The following CPED1 variants were observed in gnomAD, a reference collection of about 807,000 sequenced individuals.
CPED1 encodes the protein cadherin-like and PC-esterase domain-containing protein 1.
A neutral mutation model predicts 128.2 loss-of-function variants in CPED1; 114 were observed. The ratio of observed to expected loss-of-function variants is 0.89; its 90% CI spans 0.76 to 1.04. The LOEUF is 1.04. Among genes scored for constraint, CPED1 ranks in the 50% least tolerant of loss-of-function variants. CPED1 has a pLI of 0.00. For missense variants in CPED1, 1,211 were observed against 1,207.1 expected, an observed-to-expected ratio of 1.00 and a Z score of -0.05; for synonymous variants, 462 against 426.7, an observed-to-expected ratio of 1.08 and a Z score of -1.02.
At chr7:121,000,932 A>G (rs1157617354) in intron 2 of CPED1, among the ~76,000 whole-genome samples, 2 of 152,152 alleles carry the variant, frequency 1.3e-5, no homozygotes, top group African/African-American at 4.8e-5. Flanking sequence ...CATATGTTTG[A>G]AAGCATCAAG....
At chr7:121,141,920 T>C in intron 15 of CPED1, 53 bp from the exon 16 acceptor site, 1 of 1,464,806 alleles carries the variant, frequency 6.8e-7, no homozygotes, top group Non-Finnish European at 9.5e-7. Flanking sequence ...CAGTTTGGGC[T>C]GAATAAATCT....
At chr7:121,205,836 T>C (rs1428806098) in intron 16 of CPED1, among the ~76,000 whole-genome samples, 2 of 152,002 alleles carry the variant, frequency 1.3e-5, no homozygotes, top group Non-Finnish European at 2.9e-5. Context: ...AAAACATGGA[T>C]TGGAAGCAAG....
chr7:121,207,937 A>G (rs1233747656), intron 16 of CPED1, among the ~76,000 whole-genome samples: 1 of 151,904 alleles, frequency 6.6e-6, no homozygotes, highest in Admixed American at 6.6e-5. Flanking sequence ...CCTTTTACAT[A>G]GCTCTTGTAT....
intron 16 of CPED1, among the ~76,000 whole-genome samples, chr7:121,145,413 C>G (rs904029171): frequency 6.6e-6 from 1 of 151,990 alleles, no homozygotes; most frequent in Non-Finnish European, 1.5e-5. Flanking sequence ...TTATAAGAAT[C>G]CTTTCCACAA....
Position 121,066,800 on chromosome 7 carries a change from G to C in CPED1, c.616+2487G>C, listed in dbSNP as rs535991685. On this transcript the variant is annotated intron_variant, in intron 5 of 22. Transcript: ENST00000310396. ...TGTATCTGTGGGTTCCACATCCCTGGATTCAACCAACCATGGATAGAAGTA... is the reference window on the plus strand; with the variant it reads ...TGTATCTGTGGGTTCCACATCCCTGCATTCAACCAACCATGGATAGAAGTA... 1.1e-4 allele frequency among the ~76,000 whole-genome samples: 16 copies of C among 152,194 alleles called. No homozygotes were observed. The South Asian group carries it at 3.3e-3, about 32-fold the overall frequency.
rs1334778452 is a variant in CPED1, at chr7:121,266,450, A to G, written c.2531+3A>G. On this transcript the variant is annotated splice_donor_region_variant and intron_variant, in intron 19 of 22. Transcript: ENST00000310396. Reference sequence around the variant, plus strand: ...GCACTTGAACACCTCTTGCAAAGGTACAATGAAACTATAATGAAAGACACA... The same window carrying G: ...GCACTTGAACACCTCTTGCAAAGGTGCAATGAAACTATAATGAAAGACACA... 2 of 1,606,876 alleles carry G rather than the reference A, an allele frequency of 1.2e-6. No homozygotes were observed. The highest frequency in any genetic ancestry group is 1.7e-6 in the Non-Finnish European group (2 of 1,173,924).
chr7:121,196,004 C>G (rs148173574), intron 16 of CPED1, among the ~76,000 whole-genome samples: 1 of 151,916 alleles, frequency 6.6e-6, no homozygotes, highest in Admixed American at 6.6e-5. Context: ...CCTAGAAGGC[C>G]GGGGGGAGAT....
At chr7:121,142,716 C>T (rs910458791) in intron 16 of CPED1, among the ~76,000 whole-genome samples, 3 of 151,976 alleles carry the variant, frequency 2.0e-5, no homozygotes, top group African/African-American at 7.2e-5. Context: ...GAATGTTACC[C>T]TAACACTTTT....
At chr7:121,290,863 A>G (rs562024086) in intron 22 of CPED1, among the ~76,000 whole-genome samples, 14 of 152,178 alleles carry the variant, frequency 9.2e-5, no homozygotes, top group Non-Finnish European at 1.2e-4. Flanking sequence ...TGTTTTATTC[A>G]TGAAGTCTTT....
At chr7:121,032,281 A>G (rs887044572) in intron 3 of CPED1, among the ~76,000 whole-genome samples, 3 of 152,186 alleles carry the variant, frequency 2.0e-5, no homozygotes, top group African/African-American at 7.2e-5. Flanking sequence ...TTTTAGTAGT[A>G]AACAATTAGA....
At chr7:121,062,118 T>C (rs1163567595) in intron 4 of CPED1, among the ~76,000 whole-genome samples, 10 of 152,198 alleles carry the variant, frequency 6.6e-5, no homozygotes, top group African/African-American at 2.2e-4. Context: ...TTGGCTTGGC[T>C]CTATTATTTT....
intron 3 of CPED1, among the ~76,000 whole-genome samples, chr7:121,024,988 G>T (rs533207766): frequency 2.0e-5 from 3 of 152,068 alleles, no homozygotes; most frequent in Non-Finnish European, 4.4e-5. Context: ...TTCTCAATTT[G>T]GGAGGCGTTT....
intron 5 of CPED1, among the ~76,000 whole-genome samples, chr7:121,082,505 G>C (rs1431423016): frequency 6.6e-6 from 1 of 152,098 alleles, no homozygotes; most frequent in Non-Finnish European, 1.5e-5. Flanking sequence ...ATTATGGTGG[G>C]CTTTATGATT....
chr7:121,056,429 C>T (rs1408112743), intron 4 of CPED1, among the ~76,000 whole-genome samples: 2 of 152,112 alleles, frequency 1.3e-5, no homozygotes, highest in Non-Finnish European at 2.9e-5. Flanking sequence ...TGAGGCAATA[C>T]CATTATTTTC....
At chr7:121,065,968 T>G (rs538988481) in intron 5 of CPED1, among the ~76,000 whole-genome samples, 2 of 152,226 alleles carry the variant, frequency 1.3e-5, no homozygotes, top group South Asian at 4.1e-4. Context: ...GTCTGCAGCA[T>G]TATTTTCTGA....
At chr7:121,187,543 T>C (rs1037643584) in intron 16 of CPED1, among the ~76,000 whole-genome samples, 1 of 152,110 alleles carries the variant, frequency 6.6e-6, no homozygotes, top group African/African-American at 2.4e-5. Context: ...TTTGTGTTCA[T>C]TGGATCTAAG....
chr7:121,121,865 T>TC (rs1390744196), intron 7 of CPED1, among the ~76,000 whole-genome samples: 1 of 152,194 alleles, frequency 6.6e-6, no homozygotes, highest in African/African-American at 2.4e-5. Flanking sequence ...GCACTGAGAC[T>TC]CACAGAACTC....
chr7:121,297,280 T>C lies in CPED1; in HGVS notation c.*1628T>C, dbSNP rs1467243884. 3 of 152,170 alleles carry C rather than the reference T, an allele frequency of 2.0e-5. No individual in the cohort carries two copies. Among genetic ancestry groups the C allele is most frequent in the African/African-American group, 4.8e-5 (2 of 41,454 alleles). The allele number at this position is 152,170 out of a possible 1,614,324, so 9.4% of individuals were successfully genotyped here. On this transcript the variant is annotated 3_prime_UTR_variant, in exon 23 of 23. Transcript: ENST00000310396. ...CTCCATCATGTTTTAACATACTGTA[T>C]ACTCTATAGCAGTATTACAGTCAGT...
At position 121,047,984 on chromosome 7, in the gene CPED1, C is replaced by T. The variant is rs189930796; in HGVS notation, c.540+991C>T. 2.6e-5 allele frequency among the ~76,000 whole-genome samples: 4 copies of T among 152,078 alleles called. No individual in the cohort carries two copies. In the East Asian group the frequency reaches 7.7e-4, roughly 29 times the overall value. ...GCCTCCCAAACTGCTGGGGATAACT[C>T]CTTTCTTCTAACTCTTCACTTTTTT... On this transcript the variant is annotated intron_variant, in intron 4 of 22. Transcript: ENST00000310396.
Sources: allele counts gnomAD v4.1 joint callset (sites outside exome capture counted in the v4.1 genomes callset), GRCh38; gene constraint gnomAD v4.1.1; transcripts MANE v1.5; gene names NCBI Gene and HGNC (gene_info 2026-07-23, HGNC 2026-07-21).